SFSWAP: variants seen among roughly 807,000 people sequenced by gnomAD.
SFSWAP encodes splicing factor SWAP, also known as splicing factor, suppressor of white-apricot homolog.
SFSWAP carries 17 observed loss-of-function variants against 100.7 expected under a neutral mutation model. The observed-to-expected ratio is 0.17, with a 90% CI of 0.12 to 0.25. SFSWAP has a LOEUF of 0.25. Among genes scored for constraint, SFSWAP ranks in the 10% least tolerant of loss-of-function variants. SFSWAP has a pLI of 1.00. For synonymous variants in SFSWAP, 504 were observed against 510.1 expected, an observed-to-expected ratio of 0.99 and a Z score of 0.16; for missense variants, 1,005 against 1,262.6, an observed-to-expected ratio of 0.80 and a Z score of 3.09.
chr12:131,786,425 A>T, intron 14 of SFSWAP, 38 bp from the exon 15 acceptor site: 1 of 1,561,738 alleles, frequency 6.4e-7, no homozygotes, highest in Non-Finnish European at 8.7e-7. Context: ...CCCGCCAGCC[A>T]GGCCACAGAG....
intron 11 of SFSWAP, among the ~76,000 whole-genome samples, chr12:131,759,157 T>C (rs186532391): frequency 3.9e-5 from 6 of 152,358 alleles, no homozygotes; most frequent in Non-Finnish European, 7.3e-5. Context: ...GAACATATAT[T>C]ATTTTAAATT....
chr12:131,743,992 A>G (rs760224651), intron 7 of SFSWAP, among the ~76,000 whole-genome samples: 30 of 152,322 alleles, frequency 2.0e-4, no homozygotes, highest in Middle Eastern at 6.8e-3. Flanking sequence ...CCTTTTAGTC[A>G]TGGCTGGAGC....
At chr12:131,764,362 C>T in intron 11 of SFSWAP, 94 bp from the exon 12 acceptor site, 1 of 950,076 alleles carries the variant, frequency 1.1e-6, no homozygotes, top group Non-Finnish European at 1.6e-6. Context: ...TGCTAGTCAT[C>T]CCCTTCCCAG....
chr12:131,792,133 G>A (rs544897198), intron 15 of SFSWAP, among the ~76,000 whole-genome samples: 1 of 149,758 alleles, frequency 6.7e-6, no homozygotes, highest in Admixed American at 6.6e-5. Context: ...GTGTGTGCAC[G>A]TGTGTGTTCA....
chr12:131,787,699 C>T (rs1438837348), intron 15 of SFSWAP, among the ~76,000 whole-genome samples: 4 of 152,124 alleles, frequency 2.6e-5, no homozygotes, highest in Admixed American at 2.0e-4. Context: ...ACACTGGGAC[C>T]CTCCTGCTCC....
intron 16 of SFSWAP, among the ~76,000 whole-genome samples, chr12:131,797,823 G>A (rs920722161): frequency 1.4e-4 from 22 of 152,232 alleles, no homozygotes; most frequent in Middle Eastern, 3.2e-3. Flanking sequence ...TCCCAGTCCC[G>A]GGCTAGGTGA....
chr12:131,741,560 G>A (rs1293931889), intron 7 of SFSWAP, among the ~76,000 whole-genome samples: 1 of 151,774 alleles, frequency 6.6e-6, no homozygotes, highest in East Asian at 1.9e-4. Flanking sequence ...TTGGCAGAGG[G>A]GAGGGCATCG....
chr12:131,738,579 A>G (rs1020113923), intron 7 of SFSWAP, among the ~76,000 whole-genome samples: 1 of 152,232 alleles, frequency 6.6e-6, no homozygotes, highest in African/African-American at 2.4e-5. Flanking sequence ...AGTTTCTTTT[A>G]TGCCTAAAGA....
At chr12:131,727,612 G>A (rs189802616) in intron 6 of SFSWAP, among the ~76,000 whole-genome samples, 2 of 152,234 alleles carry the variant, frequency 1.3e-5, no homozygotes, top group East Asian at 1.9e-4. Context: ...ACTACTGCAC[G>A]CCAGCCTGGG....
At chr12:131,795,727 C>T (rs1566064384) in intron 15 of SFSWAP, among the ~76,000 whole-genome samples, 1 of 151,630 alleles carries the variant, frequency 6.6e-6, no homozygotes, top group Non-Finnish European at 1.5e-5. Flanking sequence ...CTTCGTGGCA[C>T]GCAGAATCAT....
chr12:131,785,251 A>T (rs1030613261), intron 14 of SFSWAP: 1 of 1,529,120 alleles, frequency 6.5e-7, no homozygotes, highest in Admixed American at 2.0e-5. Flanking sequence ...CCTCGCCTTT[A>T]TCATCTGTTC....
chr12:131,737,459 T>C (rs1316055880), intron 7 of SFSWAP, among the ~76,000 whole-genome samples: 3 of 152,234 alleles, frequency 2.0e-5, no homozygotes, highest in Non-Finnish European at 4.4e-5. Context: ...GTGGTACTTA[T>C]TTTGAGACTA....
At chr12:131,781,459 G>A (rs1374923833) in intron 14 of SFSWAP, among the ~76,000 whole-genome samples, 2 of 151,424 alleles carry the variant, frequency 1.3e-5, no homozygotes, top group South Asian at 2.1e-4. Context: ...GGATGGTCTC[G>A]ATCTCCTGAC....
intron 15 of SFSWAP, 32 bp from the exon 16 acceptor site, chr12:131,797,146 C>T (rs1885734155): frequency 6.3e-7 from 1 of 1,589,158 alleles, no homozygotes; most frequent in Non-Finnish European, 8.5e-7. Context: ...TAAACCAAAG[C>T]TGCATCTCTC....
chr12:131,754,625 G>GTATT, intron 9 of SFSWAP, 126 bp downstream of exon 9: 1 of 133,118 alleles, frequency 7.5e-6, no homozygotes, highest in Non-Finnish European at 1.4e-5. Context: ...TGGCTCAAAT[G>GTATT]TCTTTTTTTT....
At position 131,733,639 on chromosome 12, in the gene SFSWAP, A is replaced by C. The variant is rs114782593; in HGVS notation, c.1081+5211A>C. On this transcript the variant is annotated intron_variant, in intron 7 of 17. Coordinates refer to ENST00000261674, the MANE Select transcript of SFSWAP (RefSeq NM_004592.4). The surrounding 1 kb of genome is among the most constrained non-coding windows in gnomAD (Gnocchi z 5.1). ...CTGCAGCCGTATTCCTGGAGAGAGA[A>C]GGAGGCCTGTCACAGCATCTGTGAC... is the stretch of plus-strand genomic sequence containing the variant. Among the ~76,000 whole-genome samples the C allele has an allele frequency of 8.2e-4, 124 of 152,048 alleles. No homozygotes were observed. The highest frequency in any genetic ancestry group is 2.8e-3 in the African/African-American group (118 of 41,488).
rs773799519 is a variant in SFSWAP at position 131,714,210 on chromosome 12, A to G, written c.358A>G (p.Thr120Ala). The G allele has an allele frequency of 3.1e-6, 5 of 1,613,738 alleles. No homozygotes were observed. The highest frequency in any genetic ancestry group is 4.2e-6 in the Non-Finnish European group (5 of 1,179,726). Residue 120 changes from threonine to alanine, a missense_variant, in exon 2 of 18, where the codon ACG becomes GCG. By Grantham distance (58) the Thr-to-Ala change is moderately conservative (BLOSUM62 0). Transcript: ENST00000261674. This position sits in a 1 kb window ranked among gnomAD's most constrained non-coding sequence, Gnocchi z 6.0. ...CDEERYLALH[T>A]DLLEEEARQE... ...TGAAGAGAGGTATTTAGCCTTGCAT[A>G]CGGACTTGCTTGAGGAGGAGGCAAG...
At position 131,786,603 on chromosome 12, in the gene SFSWAP, G is replaced by A. The variant is rs1412042618; in HGVS notation, c.2534+15G>A. 3.2e-6 allele frequency: 5 copies of A among 1,581,878 alleles called. No homozygotes were observed. Among genetic ancestry groups the A allele is most frequent in the Non-Finnish European group, 2.6e-6 (3 of 1,165,460 alleles). On this transcript the variant is annotated intron_variant, in intron 15 of 17. Coordinates refer to ENST00000261674, the MANE Select transcript of SFSWAP (RefSeq NM_004592.4). The stretch of plus-strand genomic sequence containing the variant: ...ACCCGCTCCAGGTAGGCCACTGGGT[G>A]TGCACGCAGGTGCTGGATGTGGGCC...
Position 131,799,591 on chromosome 12 carries a change from GGTGGC to G in SFSWAP, c.*104_*108del. 1.2e-6 allele frequency: 1 copy of G among 857,892 alleles called. No individual in the cohort carries two copies. Among genetic ancestry groups the G allele is most frequent in the Non-Finnish European group, 1.8e-6 (1 of 544,318 alleles). 53.1% of individuals were successfully genotyped at this position (857,892 alleles called of 1,614,324 possible). A position where few individuals can be genotyped will look rare whatever the true frequency, so the allele number is the denominator to read the frequency against. On this transcript the variant is annotated 3_prime_UTR_variant, in exon 18 of 18. Transcript: ENST00000261674. ...CACCTGGCCGCCTCCATGGACCCTT[GGTGGC>G]TTTTGTAAATTAATTTTTGATGACA...
Sources: allele counts gnomAD v4.1 joint callset (sites outside exome capture counted in the v4.1 genomes callset), GRCh38; gene constraint gnomAD v4.1.1; non-coding constraint Gnocchi (gnomAD v3.1); transcripts MANE v1.5; gene names NCBI Gene and HGNC (gene_info 2026-07-23, HGNC 2026-07-21).